Variants in PODXL observed in about 807,000 individuals in gnomAD.
PODXL encodes podocalyxin.
In PODXL, 20 loss-of-function variants were observed where a neutral mutation model predicts 48.9. That is an observed-to-expected ratio of 0.41 (90% CI 0.29 to 0.59). PODXL has a LOEUF of 0.59. Among genes scored for constraint, PODXL ranks in the 20% least tolerant of loss-of-function variants. The pLI is 0.31. For missense variants in PODXL, 606 were observed against 675.1 expected (o/e 0.90, Z 1.13); for synonymous variants, 295 against 287.4 (o/e 1.03, Z -0.27).
At chr7:131,555,092 G>A (rs973885549) in intron 1 of PODXL, among the ~76,000 whole-genome samples, 1 of 152,164 alleles carries the variant, frequency 6.6e-6, no homozygotes, top group Non-Finnish European at 1.5e-5. Flanking sequence ...CACTACCAAA[G>A]GTTTCCTGCG....
intron 1 of PODXL, among the ~76,000 whole-genome samples, chr7:131,549,563 TA>T (rs1463148650): frequency 1.3e-5 from 2 of 152,164 alleles, no homozygotes; most frequent in Non-Finnish European, 2.9e-5. Flanking sequence ...CCGGCTTGCT[TA>T]ACTGCCGTCC....
Position 131,537,401 on chromosome 7 carries a change from A to G in PODXL, c.100+18859T>C, listed in dbSNP as rs1448180670. ...CAGGAGTTCGAGACAATCCTGGCCA[A>G]TATGGTGAAACCCTGTCTCTACTAA... On this transcript the variant is annotated intron_variant, in intron 1 of 8. Transcript: ENST00000378555. Among the ~76,000 whole-genome samples the G allele has an allele frequency of 2.6e-5, 4 of 152,100 alleles. No homozygotes were observed. In the East Asian group the frequency reaches 5.8e-4, roughly 22 times the overall value.
At chr7:131,506,091 G>A (rs370160454) in intron 7 of PODXL, 56 bp from the exon 8 acceptor site, 490 of 1,578,978 alleles carry the variant, frequency 3.1e-4, no homozygotes, top group Non-Finnish European at 3.9e-4. Flanking sequence ...CTCAGCCCCC[G>A]GCTTCACTGT....
At chr7:131,524,408 A>AGAGAGAGAGAGAGAGAGAGAG (rs367857912) in intron 1 of PODXL, among the ~76,000 whole-genome samples, 81 of 149,582 alleles carry the variant, frequency 5.4e-4, no homozygotes, top group South Asian at 1.3e-3. Context: ...AGAGAGAGAG[A>AGAGAGAGAGAGAGAGAGAGAG]AAACAACAAG....
intron 1 of PODXL, among the ~76,000 whole-genome samples, chr7:131,519,089 G>A (rs750315168): frequency 1.3e-4 from 20 of 152,220 alleles, no homozygotes; most frequent in Non-Finnish European, 2.4e-4. Context: ...TCAGAGCCTC[G>A]CCTCAGTGGA....
rs1562922113 is a variant in PODXL at position 131,556,320 on chromosome 7, ACAGTAG to A, written c.34_39del (p.Leu13_Leu14del). ...GACGGCAGCAGCGGCGGCGTTGACA[ACAGTAG>A]CAGCAGCGCCGAGAGCGCCAGCGCG... On this transcript the variant is annotated inframe_deletion, in exon 1 of 9. Transcript: ENST00000378555. 1 of 1,504,432 alleles carries A rather than the reference ACAGTAG, an allele frequency of 6.6e-7. No individual in the cohort carries two copies. The highest frequency in any genetic ancestry group is 2.2e-5 in the Admixed American group (1 of 45,806). The allele number at this position is 1,504,432 out of a possible 1,614,324, so 93.2% of individuals were successfully genotyped here.
intron 1 of PODXL, among the ~76,000 whole-genome samples, chr7:131,528,947 G>A (rs1292056298): frequency 6.6e-6 from 1 of 152,102 alleles, no homozygotes; most frequent in Non-Finnish European, 1.5e-5. Flanking sequence ...TCGTGATGTG[G>A]GTTTACTTGA....
At position 131,511,153 on chromosome 7, in the gene PODXL, T is replaced by G. The variant is rs767012209; in HGVS notation, c.381A>C (p.Lys127Asn). ...TTGCAACTGTAGTGGTGTCTGCACT[T>G]TTTGTGCTCTTGGGGCTCTCGATGG... ...TTTIESPKST[K>N]SADTTTVATS... is the part of the protein sequence containing the mutation. Residue 127 changes from lysine (K) to asparagine (N), a missense_variant, in exon 2 of 9, where the codon AAA becomes AAC. Physicochemically the swap from Lys to Asn is moderately conservative, Grantham distance 94. Transcript: ENST00000378555. 2 of 1,613,972 alleles carry G rather than the reference T, an allele frequency of 1.2e-6. No homozygotes were observed. The highest frequency in any genetic ancestry group is 2.2e-5 in the South Asian group (2 of 91,030).
chr7:131,532,162 G>A (rs941743643), intron 1 of PODXL, among the ~76,000 whole-genome samples: 2 of 149,512 alleles, frequency 1.3e-5, no homozygotes, highest in African/African-American at 4.9e-5. Flanking sequence ...GTGGCCGGGC[G>A]TGGTGGCTCA....
intron 1 of PODXL, among the ~76,000 whole-genome samples, chr7:131,540,397 C>A (rs1798454704): frequency 1.3e-5 from 2 of 151,894 alleles, no homozygotes; most frequent in African/African-American, 4.8e-5. Context: ...CAGGGAAGGC[C>A]CCACCCCAGG....
chr7:131,508,111 C>T (rs1797842252), intron 5 of PODXL, among the ~76,000 whole-genome samples: 1 of 152,236 alleles, frequency 6.6e-6, no homozygotes, highest in African/African-American at 2.4e-5. Flanking sequence ...TGAGTGTGCA[C>T]AGCGCACACT....
intron 1 of PODXL, among the ~76,000 whole-genome samples, chr7:131,539,031 G>A (rs1177168205): frequency 2.0e-5 from 3 of 152,222 alleles, no homozygotes; most frequent in Non-Finnish European, 4.4e-5. Context: ...AGGCGAGGAC[G>A]GGGACAGGGC....
At chr7:131,507,119 G>GGGA (rs920961048) in intron 5 of PODXL, among the ~76,000 whole-genome samples, 6 of 152,192 alleles carry the variant, frequency 3.9e-5, no homozygotes, top group Non-Finnish European at 8.8e-5. Context: ...ACAGCCCGCA[G>GGGA]GGAGACTCCA....
chr7:131,556,282 CGG>C lies in PODXL; in HGVS notation c.76_77del (p.Pro26ValfsTer17). ...TPPLLPSSPS[P>X]SPSPSQNATQ... ...CACCATTCTGGGAGGGCGACGGCGA[CGG>C]CGACGGCGACGACGGCAGCAGCGGC... On this transcript the variant is annotated frameshift_variant, in exon 1 of 9. Coordinates refer to ENST00000378555, the MANE Select transcript of PODXL (RefSeq NM_001018111.3). LOFTEE classifies it high-confidence loss of function. 6.8e-7 allele frequency: 1 copy of C among 1,461,080 alleles called. No homozygotes were observed. Among genetic ancestry groups the C allele is most frequent in the Non-Finnish European group, 8.9e-7 (1 of 1,117,802 alleles). The allele number at this position is 1,461,080 out of a possible 1,614,324, so 90.5% of individuals were successfully genotyped here. A position where few individuals can be genotyped will look rare whatever the true frequency, so the allele number is the denominator to read the frequency against.
rs1187457852 is a variant in PODXL at position 131,500,330 on chromosome 7, A to AAAT, written c.*3978_*3980dup. ...TTTTCCAAAATATATTTTTGTAAGA[A>AAAT]AATGCAATAATTATTAACTATAGTT... On this transcript the variant is annotated 3_prime_UTR_variant, in exon 9 of 9. Transcript: ENST00000378555. 1.3e-5 allele frequency: 2 copies of AAAT among 152,684 alleles called. No homozygotes were observed. Among genetic ancestry groups the AAAT allele is most frequent in the African/African-American group, 4.8e-5 (2 of 41,464 alleles). 9.5% of individuals were successfully genotyped at this position (152,684 alleles called of 1,614,324 possible). A position where few individuals can be genotyped will look rare whatever the true frequency, so the allele number is the denominator to read the frequency against.
intron 1 of PODXL, among the ~76,000 whole-genome samples, chr7:131,527,311 A>G (rs1798203970): frequency 1.3e-5 from 2 of 152,242 alleles, no homozygotes; most frequent in African/African-American, 4.8e-5. Context: ...ATATTAGGCA[A>G]TAAAAGAAGA....
At chr7:131,538,162 C>T (rs554980002) in intron 1 of PODXL, among the ~76,000 whole-genome samples, 46 of 152,254 alleles carry the variant, frequency 3.0e-4, no homozygotes, top group Non-Finnish European at 5.0e-4. Context: ...TGGCCCCTCC[C>T]CTGTGCTCTG....
chr7:131,501,520 A>C lies in PODXL; in HGVS notation c.*2791T>G, dbSNP rs1256893785. 1.3e-5 allele frequency: 2 copies of C among 152,420 alleles called. No individual in the cohort carries two copies. Among genetic ancestry groups the C allele is most frequent in the East Asian group, 3.8e-4 (2 of 5,198 alleles). 9.4% of individuals were successfully genotyped at this position (152,420 alleles called of 1,614,324 possible). A position where few individuals can be genotyped will look rare whatever the true frequency, so the allele number is the denominator to read the frequency against. ...CTAGATTAAACCCGTATTCTGTCTTACAACGCAAAGAATATTCTGTACCTC... is the reference window on the plus strand; with the variant it reads ...CTAGATTAAACCCGTATTCTGTCTTCCAACGCAAAGAATATTCTGTACCTC... On this transcript the variant is annotated 3_prime_UTR_variant, in exon 9 of 9. Transcript: ENST00000378555.
At chr7:131,521,050 C>G (rs375298844) in intron 1 of PODXL, among the ~76,000 whole-genome samples, 3 of 152,090 alleles carry the variant, frequency 2.0e-5, no homozygotes, top group South Asian at 4.2e-4. Context: ...TGCCTGTAAT[C>G]CCAGCTACTC....
Sources: allele counts gnomAD v4.1 joint callset (sites outside exome capture counted in the v4.1 genomes callset), GRCh38; gene constraint gnomAD v4.1.1; transcripts MANE v1.5; gene names NCBI Gene and HGNC (gene_info 2026-07-23, HGNC 2026-07-21).